Variants in RP1 observed in about 807,000 individuals in gnomAD.
RP1 encodes RP1 axonemal microtubule associated.
Under a neutral mutation model 14.8 loss-of-function variants are expected in RP1, and 16 were observed. The ratio of observed to expected loss-of-function variants is 1.08; its 90% CI spans 0.73 to 1.65. The LOEUF is 1.65. Ranked by LOEUF, RP1 falls within the 40% of genes most tolerant of loss-of-function variation. The probability of loss-of-function intolerance (pLI) is 0.00; values close to 1 mark genes in which losing one functional copy is unlikely to be tolerated. For synonymous variants in RP1, 876 were observed against 883.6 expected (o/e 0.99, Z 0.15); for missense variants, 2,631 against 2,535.0 (o/e 1.04, Z -0.81).
At chr8:54,581,042 ATG>A (rs1804780412) in intron 1 of RP1, among the ~76,000 whole-genome samples, 1 of 152,136 alleles carries the variant, frequency 6.6e-6, no homozygotes, top group South Asian at 2.1e-4. Flanking sequence ...TTTAAGGTAT[ATG>A]TGCACAACGT....
chr8:54,689,487 G>A (rs1251793820), intron 12 of RP1, among the ~76,000 whole-genome samples: 4 of 151,954 alleles, frequency 2.6e-5, no homozygotes, highest in African/African-American at 4.8e-5. Context: ...GGCATACCCA[G>A]CTCCTTCTTT....
chr8:54,748,549 G>T (rs1449721314), intron 19 of RP1, among the ~76,000 whole-genome samples: 1 of 152,192 alleles, frequency 6.6e-6, no homozygotes, highest in East Asian at 1.9e-4. Context: ...ATTATCACAA[G>T]GCACAGGATG....
At chr8:54,624,443 C>CAAAAAAAAAAAA (rs11332494) in intron 3 of RP1, among the ~76,000 whole-genome samples, 18 of 56,584 alleles carry the variant, frequency 3.2e-4, no homozygotes, top group Non-Finnish European at 4.4e-4. Flanking sequence ...GACTCTGTCT[C>CAAAAAAAAAAAA]AAAAAAAAAA....
At chr8:54,593,209 G>C (rs557719254) in intron 1 of RP1, among the ~76,000 whole-genome samples, 1 of 152,296 alleles carries the variant, frequency 6.6e-6, no homozygotes, top group African/African-American at 2.4e-5. Flanking sequence ...ATTCATTGAT[G>C]ACTGACTGAT....
At position 54,621,291 on chromosome 8, in the gene RP1, G is replaced by C. The variant is rs1282860150; in HGVS notation, c.325G>C (p.Gly109Arg). ...EDGESYLCSH[G>R]RKVQPVDLDK... is the part of the protein sequence containing the mutation. ...CGGCGAGTCCTACCTATGTTCCCACGGCAGGAAGGTGCAGCCTGTAGACCT... is the reference window on the plus strand; with the variant it reads ...CGGCGAGTCCTACCTATGTTCCCACCGCAGGAAGGTGCAGCCTGTAGACCT... The change falls in exon 2 of 4, where the codon GGC becomes CGC. Residue 109 changes from glycine (G) to arginine (R), a missense_variant. Transcript: ENST00000220676. 6.2e-7 allele frequency: 1 copy of C among 1,613,918 alleles called. No homozygotes were observed.
chr8:54,753,662 G>C (rs140902465), intron 19 of RP1, among the ~76,000 whole-genome samples: 4 of 152,206 alleles, frequency 2.6e-5, no homozygotes, highest in Non-Finnish European at 5.9e-5. Flanking sequence ...GAAGTATCTA[G>C]CAAGATTATG....
intron 17 of RP1, chr8:54,734,464 T>C (rs1424853985): frequency 7.4e-7 from 1 of 1,343,698 alleles, no homozygotes; most frequent in Non-Finnish European, 1.0e-6. Context: ...AGTTTTCATG[T>C]CCTTTGGCTC....
chr8:54,777,249 T>C (rs1465938599), intron 23 of RP1, among the ~76,000 whole-genome samples: 2 of 152,212 alleles, frequency 1.3e-5, no homozygotes, highest in African/African-American at 4.8e-5. Flanking sequence ...CTGTCTTGAG[T>C]GCTGTGGCTG....
At chr8:54,718,950 G>T (rs570486984) in intron 15 of RP1, among the ~76,000 whole-genome samples, 12 of 152,284 alleles carry the variant, frequency 7.9e-5, no homozygotes, top group African/African-American at 2.9e-4. Flanking sequence ...AAAACCCACA[G>T]AATTGTATAG....
At chr8:54,669,157 C>G (rs953437852) in intron 7 of RP1, among the ~76,000 whole-genome samples, 1 of 151,956 alleles carries the variant, frequency 6.6e-6, no homozygotes, top group Admixed American at 6.6e-5. Context: ...CCAGAATCTA[C>G]AAAGAACTTA....
At chr8:54,852,714 T>C in exon 26 of RP1, 1 of 1,231,956 alleles carries the variant, frequency 8.1e-7, no homozygotes, top group Non-Finnish European at 1.0e-6. Flanking sequence ...TGAAATCAAG[T>C]TTCAGCGTGG....
intron 3 of RP1, among the ~76,000 whole-genome samples, chr8:54,638,796 T>C (rs1265355660): frequency 2.0e-5 from 3 of 152,126 alleles, no homozygotes; most frequent in African/African-American, 4.8e-5. Flanking sequence ...CCTCCGTTTT[T>C]TGTTCTTTCA....
chr8:54,730,986 G>A (rs1410087690), intron 17 of RP1, among the ~76,000 whole-genome samples: 4 of 152,008 alleles, frequency 2.6e-5, no homozygotes, highest in Admixed American at 6.6e-5. Flanking sequence ...TTTGTTTTCA[G>A]TTGTTTTCAA....
intron 27 of RP1, among the ~76,000 whole-genome samples, chr8:54,863,903 C>T (rs1303511274): frequency 1.3e-5 from 2 of 152,172 alleles, no homozygotes; most frequent in African/African-American, 4.8e-5. Flanking sequence ...GGTGCTGGGT[C>T]ATGGTGCATT....
At chr8:54,649,719 T>C (rs1806617726) in intron 4 of RP1, among the ~76,000 whole-genome samples, 1 of 152,174 alleles carries the variant, frequency 6.6e-6, no homozygotes, top group East Asian at 1.9e-4. Context: ...GTCTGTTGAA[T>C]AAATTAATGG....
intron 24 of RP1, among the ~76,000 whole-genome samples, chr8:54,822,323 T>C (rs1228674256): frequency 2.0e-5 from 3 of 151,996 alleles, no homozygotes; most frequent in African/African-American, 4.8e-5. Context: ...TATTTGATTG[T>C]AGGAATTTTA....
At chr8:54,767,024 T>C (rs1165793518) in intron 22 of RP1, among the ~76,000 whole-genome samples, 1 of 152,210 alleles carries the variant, frequency 6.6e-6, no homozygotes, top group Non-Finnish European at 1.5e-5. Context: ...TGCTTCACTA[T>C]CCAAGGCCTA....
At chr8:54,751,115 A>G (rs574401544) in intron 19 of RP1, among the ~76,000 whole-genome samples, 31 of 152,344 alleles carry the variant, frequency 2.0e-4, no homozygotes, top group Non-Finnish European at 3.5e-4. Flanking sequence ...CAGTGAGACC[A>G]CTAACCCACC....
intron 6 of RP1, among the ~76,000 whole-genome samples, chr8:54,661,115 G>A (rs575097280): frequency 4.5e-4 from 68 of 149,888 alleles, no homozygotes; most frequent in African/African-American, 1.6e-3. Context: ...AGACCAGCCT[G>A]GGCAACATGG....
Sources: allele counts gnomAD v4.1 joint callset (sites outside exome capture counted in the v4.1 genomes callset), GRCh38; gene constraint gnomAD v4.1.1; transcripts MANE v1.5; gene names NCBI Gene and HGNC (gene_info 2026-07-23, HGNC 2026-07-21).